Variants in MUCL1 observed in about 807,000 individuals in gnomAD.
MUCL1 encodes mucin like 1, also known as mucin-like protein 1.
In MUCL1, 11 loss-of-function variants were observed where a neutral mutation model predicts 9.2. The ratio of observed to expected loss-of-function variants is 1.19; its 90% CI spans 0.75 to 1.97. MUCL1 has a LOEUF of 1.97. Among genes scored for constraint, MUCL1 ranks in the 30% most tolerant of loss-of-function variants. The probability of loss-of-function intolerance (pLI) is 0.00; values close to 1 mark genes in which losing one functional copy is unlikely to be tolerated. For missense variants in MUCL1, 144 were observed against 110.9 expected, an observed-to-expected ratio of 1.30 and a Z score of -1.34; for synonymous variants, 48 against 40.5, an observed-to-expected ratio of 1.19 and a Z score of -0.71.
intron 1 of MUCL1, among the ~76,000 whole-genome samples, chr12:54,848,457 T>C (rs1358688089): frequency 6.6e-6 from 1 of 152,208 alleles, no homozygotes; most frequent in Non-Finnish European, 1.5e-5. Context: ...GAAATTATAA[T>C]GAAAACGGCA....
chr12:54,851,816 GGA>G (rs1868248061), upstream of MUCL1, among the ~76,000 whole-genome samples: 1 of 152,118 alleles, frequency 6.6e-6, no homozygotes, highest in Admixed American at 6.5e-5. Flanking sequence ...CAAAGTCTCA[GGA>G]TACAAAAATC....
At chr12:54,838,742 C>T (rs1592245656), upstream of MUCL1, among the ~76,000 whole-genome samples, 2 of 152,060 alleles carry the variant, frequency 1.3e-5, 1 homozygote, top group Non-Finnish European at 2.9e-5. Context: ...TTGTAATTCC[C>T]TAAATGTGTC....
chr12:54,844,246 T>C (rs1341868253), intron 1 of MUCL1, among the ~76,000 whole-genome samples: 1 of 148,336 alleles, frequency 6.7e-6, no homozygotes, highest in Non-Finnish European at 1.5e-5. Flanking sequence ...GGGCCCCAGA[T>C]TTTTTTTATT....
Position 54,858,306 on chromosome 12 carries a change from CA to C in MUCL1, c.*66del, listed in dbSNP as rs1333438005. The stretch of plus-strand genomic sequence containing the variant: ...TATTCATGCTTCCTGTGATTTCATC[CA>C]ACTACTTACCTTGCCTACGATATCC... On this transcript the variant is annotated 3_prime_UTR_variant, in exon 4 of 4. Transcript: ENST00000308796. The C allele has an allele frequency of 3.2e-5, 50 of 1,583,352 alleles. No individual in the cohort carries two copies. In the African/African-American group the frequency reaches 6.1e-4, roughly 19 times the overall value.
At chr12:54,852,305 A>C (rs535243115), upstream of MUCL1, among the ~76,000 whole-genome samples, 2 of 152,352 alleles carry the variant, frequency 1.3e-5, no homozygotes, top group Admixed American at 1.3e-4. Flanking sequence ...GTACCAAAAC[A>C]GAGTTATAGA....
chr12:54,852,784 G>T (rs1868265004), upstream of MUCL1, among the ~76,000 whole-genome samples: 1 of 152,104 alleles, frequency 6.6e-6, no homozygotes, highest in South Asian at 2.1e-4. Context: ...TGACTGTAGG[G>T]CTTATTCCCT....
At chr12:54,839,573 T>C (rs1003848337) in intron 1 of MUCL1, 1 of 688,946 alleles carries the variant, frequency 1.5e-6, no homozygotes, top group Non-Finnish European at 2.6e-6. Flanking sequence ...CTCATCCTCC[T>C]GTCAAGTCGC....
intron 1 of MUCL1, among the ~76,000 whole-genome samples, chr12:54,839,937 A>G (rs1236625071): frequency 6.6e-6 from 1 of 152,168 alleles, no homozygotes; most frequent in Non-Finnish European, 1.5e-5. Flanking sequence ...GCCTTTGCTT[A>G]GAGTCGCTTT....
chr12:54,833,060 C>T (rs1260054476), intron 1 of MUCL1, among the ~76,000 whole-genome samples: 1 of 152,012 alleles, frequency 6.6e-6, no homozygotes, highest in Non-Finnish European at 1.5e-5. Flanking sequence ...GTTACTGTAA[C>T]TTTATATTAA....
rs751395820 is a variant in MUCL1 at position 54,856,841 on chromosome 12, C to G, written c.172C>G (p.Pro58Ala). The G allele has an allele frequency of 1.2e-6, 2 of 1,612,586 alleles. No homozygotes were observed. Among genetic ancestry groups the G allele is most frequent in the South Asian group, 2.2e-5 (2 of 91,024 alleles). ...AAATTATTAA[P>A]TTATTAASTT... ...TGCAACCACTGCAACCACTGCTGCT[C>G]CTACCACTGCAACCACCGCTGCTTC... is the stretch of plus-strand genomic sequence containing the variant. Residue 58 changes from proline (P) to alanine (A), a missense_variant, in exon 3 of 4, where the codon CCT becomes GCT. Transcript: ENST00000308796.
chr12:54,856,997 C>G (rs1018073159), intron 3 of MUCL1, 105 bp downstream of exon 3: 75 of 1,478,994 alleles, frequency 5.1e-5, no homozygotes, highest in Admixed American at 1.6e-4. Context: ...GAGACCTCTT[C>G]TTTACATTGT....
At chr12:54,833,261 A>G (rs1390839382) in intron 1 of MUCL1, among the ~76,000 whole-genome samples, 1 of 152,156 alleles carries the variant, frequency 6.6e-6, no homozygotes, top group African/African-American at 2.4e-5. Flanking sequence ...CATCGAATAT[A>G]TAGAATTATA....
intron 1 of MUCL1, among the ~76,000 whole-genome samples, chr12:54,842,035 A>G: frequency 6.6e-6 from 1 of 152,128 alleles, no homozygotes; most frequent in Non-Finnish European, 1.5e-5. Context: ...AATATAGAAA[A>G]GAATCAACTA....
intron 1 of MUCL1, among the ~76,000 whole-genome samples, chr12:54,847,788 G>A (rs1959278102): frequency 6.6e-6 from 1 of 152,170 alleles, no homozygotes; most frequent in Admixed American, 6.5e-5. Context: ...TATTTAATTT[G>A]AGATTGAATG....
chr12:54,857,231 A>AGTGTGTGT lies in MUCL1; in HGVS notation c.223+370_223+377dup, dbSNP rs34504933. On this transcript the variant is annotated intron_variant, in intron 3 of 3. Coordinates refer to ENST00000308796, the MANE Select transcript of MUCL1 (RefSeq NM_058173.3). ...TTATTATTATTTTTTTAAATCAGGT[A>AGTGTGTGT]GTGTGTGTGTGTGTGTGTGTGTGTG... Among the ~76,000 whole-genome samples, 1,271 of 142,540 alleles carry AGTGTGTGT rather than the reference A, an allele frequency of 8.9e-3. 10 individuals are homozygous for AGTGTGTGT. The highest frequency in any genetic ancestry group is 0.025 in the East Asian group (119 of 4,784). The allele number at this position is 142,540 out of a possible 152,430, so 93.5% of individuals were successfully genotyped here.
chr12:54,833,981 T>C (rs893178175), intron 1 of MUCL1, among the ~76,000 whole-genome samples: 1 of 151,848 alleles, frequency 6.6e-6, no homozygotes, highest in East Asian at 1.9e-4. Context: ...TAAAAAAAAG[T>C]CTACTTAACA....
chr12:54,847,926 A>G (rs1239937054), intron 1 of MUCL1, among the ~76,000 whole-genome samples: 2 of 152,084 alleles, frequency 1.3e-5, no homozygotes, highest in Admixed American at 1.3e-4. Context: ...TGTATGCCCC[A>G]GCTCCCTTGG....
In MUCL1 at chr12:54,855,098, T is replaced by A. The variant is rs751981552; in HGVS notation, c.59-18T>A. ...TGGTATTCAGCTAACATCTTAATTT[T>A]TCCTTCTTCTCTTTCAGAGAATCCG... On this transcript the variant is annotated intron_variant, in intron 1 of 3. Transcript: ENST00000308796. 14 of 1,612,076 alleles carry A rather than the reference T, an allele frequency of 8.7e-6. No individual in the cohort carries two copies. The highest frequency in any genetic ancestry group is 1.2e-5 in the Non-Finnish European group (14 of 1,178,760).
intron 3 of MUCL1, among the ~76,000 whole-genome samples, chr12:54,857,665 C>A (rs1165459240): frequency 6.6e-6 from 1 of 151,926 alleles, no homozygotes; most frequent in East Asian, 1.9e-4. Flanking sequence ...AGCACACAGG[C>A]AGAAAGAAAA....
Sources: gnomAD v4.1 joint callset for allele counts (sites outside exome capture counted in the v4.1 genomes callset) on GRCh38, gnomAD v4.1.1 for gene constraint, MANE v1.5 for transcripts, NCBI Gene and HGNC (gene_info 2026-07-23, HGNC 2026-07-21) for gene names.